The following MAF variants were observed in gnomAD, a reference collection of about 807,000 sequenced individuals.
MAF encodes the protein transcription factor Maf.
In MAF, 10 loss-of-function variants were observed where a neutral mutation model predicts 22.0. The ratio of observed to expected loss-of-function variants is 0.45; its 90% CI spans 0.28 to 0.77. MAF has a LOEUF of 0.77. MAF is among the 30% of genes least tolerant of loss of function. The probability of loss-of-function intolerance (pLI) is 0.12; values close to 1 mark genes in which losing one functional copy is unlikely to be tolerated. For missense variants in MAF, 544 were observed against 548.4 expected, an observed-to-expected ratio of 0.99 and a Z score of 0.08; for synonymous variants, 337 against 255.8, an observed-to-expected ratio of 1.32 and a Z score of -3.03.
chr16:79,445,046 T>TA, the MAF span, among the ~76,000 whole-genome samples: 2 of 152,130 alleles, frequency 1.3e-5, no homozygotes, highest in Non-Finnish European at 2.9e-5. Flanking sequence ...TTTATTTATT[T>TA]TTTTTGAGAC....
the MAF span, among the ~76,000 whole-genome samples, chr16:79,349,000 C>G: frequency 6.6e-6 from 1 of 152,148 alleles, no homozygotes; most frequent in Admixed American, 6.5e-5. Flanking sequence ...GAGCCTGGTC[C>G]CTCCATTGCT....
chr16:79,565,501 T>C, the MAF span, among the ~76,000 whole-genome samples: 2 of 139,096 alleles, frequency 1.4e-5, no homozygotes, highest in African/African-American at 2.6e-5. Context: ...AATCTTCACG[T>C]GTTGTGGGGG....
the MAF span, among the ~76,000 whole-genome samples, chr16:79,240,700 G>C: frequency 2.0e-5 from 3 of 151,884 alleles, no homozygotes; most frequent in South Asian, 4.2e-4. Context: ...TCTGCTAAGG[G>C]TCAGACTGCC....
the MAF span, among the ~76,000 whole-genome samples, chr16:79,309,226 T>C: frequency 6.6e-6 from 1 of 152,224 alleles, no homozygotes; most frequent in Non-Finnish European, 1.5e-5. Flanking sequence ...AGTTTCCCTG[T>C]TAATTCGGAG....
the MAF span, among the ~76,000 whole-genome samples, chr16:79,210,194 C>T: frequency 1.3e-5 from 2 of 152,208 alleles, no homozygotes; most frequent in Admixed American, 1.3e-4. Flanking sequence ...TTCAGACCAA[C>T]TCCATTGTTA....
At chr16:79,400,123 T>C in the MAF span, among the ~76,000 whole-genome samples, 93 of 152,284 alleles carry the variant, frequency 6.1e-4, no homozygotes, top group African/African-American at 2.2e-3. Context: ...GTAGTTGCTA[T>C]TGACATCTAG....
At chr16:79,316,825 G>C in the MAF span, among the ~76,000 whole-genome samples, 1 of 152,024 alleles carries the variant, frequency 6.6e-6, no homozygotes, top group South Asian at 2.1e-4. Context: ...TTCCTCTCTG[G>C]GCTGGTTGCC....
At chr16:79,457,913 A>G in the MAF span, among the ~76,000 whole-genome samples, 1 of 152,200 alleles carries the variant, frequency 6.6e-6, no homozygotes, top group Non-Finnish European at 1.5e-5. Context: ...TCTAGAGGCC[A>G]TATGATTTCC....
At chr16:79,232,123 T>A in the MAF span, among the ~76,000 whole-genome samples, 3 of 152,066 alleles carry the variant, frequency 2.0e-5, no homozygotes, top group Non-Finnish European at 4.4e-5. Context: ...TTCCCTCACC[T>A]GCTACTCACC....
chr16:79,309,892 C>T, the MAF span, among the ~76,000 whole-genome samples: 4 of 152,196 alleles, frequency 2.6e-5, no homozygotes, highest in Non-Finnish European at 2.9e-5. Flanking sequence ...TAAAAAATCT[C>T]AGTGGCTGCT....
chr16:79,568,708 T>C, the MAF span, among the ~76,000 whole-genome samples: 3 of 152,152 alleles, frequency 2.0e-5, no homozygotes, highest in Non-Finnish European at 4.4e-5. Flanking sequence ...AACTAGAAAT[T>C]TGCTGCCTTT....
chr16:79,584,547 C>T (rs138538535), downstream of MAF, among the ~76,000 whole-genome samples: 531 of 152,236 alleles, frequency 3.5e-3, 1 homozygote, highest in South Asian at 7.2e-3. Flanking sequence ...GTGAACCTTG[C>T]CTTTCAAGTT....
At chr16:79,575,816 T>C in the MAF span, among the ~76,000 whole-genome samples, 1 of 152,156 alleles carries the variant, frequency 6.6e-6, no homozygotes, top group Non-Finnish European at 1.5e-5. Context: ...AGTTTTTATA[T>C]CCAAAGAATC....
chr16:79,484,704 G>A, the MAF span, among the ~76,000 whole-genome samples: 10 of 152,220 alleles, frequency 6.6e-5, no homozygotes, highest in Admixed American at 5.2e-4. Context: ...CAGGGTGGGA[G>A]CTGCTCACAC....
chr16:79,372,727 C>G, the MAF span, among the ~76,000 whole-genome samples: 14 of 152,300 alleles, frequency 9.2e-5, no homozygotes, highest in African/African-American at 3.4e-4. Flanking sequence ...CTCTCTCCAG[C>G]AGGTTCTGTG....
the MAF span, among the ~76,000 whole-genome samples, chr16:79,574,283 CTGTTT>C: frequency 6.6e-6 from 1 of 152,164 alleles, no homozygotes; most frequent in African/African-American, 2.4e-5. Flanking sequence ...TCCCTCAGTC[CTGTTT>C]CTACTTTAGC....
chr16:79,221,206 G>A, the MAF span, among the ~76,000 whole-genome samples: 5 of 152,158 alleles, frequency 3.3e-5, no homozygotes, highest in African/African-American at 9.7e-5. Context: ...ACTTGGTTCC[G>A]GGGAATTTTA....
chr16:79,432,519 T>C, the MAF span, among the ~76,000 whole-genome samples: 1 of 152,302 alleles, frequency 6.6e-6, no homozygotes, highest in Admixed American at 6.5e-5. Context: ...TATATGAATA[T>C]GGTTTCTTTC....
the MAF span, among the ~76,000 whole-genome samples, chr16:79,317,987 C>A: frequency 2.0e-5 from 3 of 152,188 alleles, no homozygotes; most frequent in Non-Finnish European, 4.4e-5. Context: ...AGAGCCACAT[C>A]CTGGAACATA....
Sources: gnomAD v4.1 joint callset for allele counts (sites outside exome capture counted in the v4.1 genomes callset) on GRCh38, gnomAD v4.1.1 for gene constraint, MANE v1.5 for transcripts, NCBI Gene and HGNC (gene_info 2026-07-23, HGNC 2026-07-21) for gene names.